GLI3: variants seen among roughly 807,000 people sequenced by gnomAD.
GLI3 encodes GLI family zinc finger 3.
A neutral mutation model predicts 100.8 loss-of-function variants in GLI3; 20 were observed. The observed-to-expected ratio is 0.20, with a 90% confidence interval of 0.14 to 0.29. The LOEUF is 0.29. Ranked by LOEUF, GLI3 falls within the 10% of genes least tolerant of loss-of-function variation. The pLI is 1.00. For missense variants in GLI3, 2,040 were observed against 2,128.5 expected, an observed-to-expected ratio of 0.96 and a Z score of 0.82; for synonymous variants, 938 against 860.5, an observed-to-expected ratio of 1.09 and a Z score of -1.58.
intron 2 of GLI3, among the ~76,000 whole-genome samples, chr7:42,220,112 A>T (rs1230086922): frequency 6.6e-6 from 1 of 152,130 alleles, no homozygotes; most frequent in African/African-American, 2.4e-5. Context: ...TCGGCCTGCC[A>T]AAGTGCTGGG....
At position 42,087,854 on chromosome 7, in the gene GLI3, C is replaced by G. The variant is rs1785135065; in HGVS notation, c.368-10997G>C. On this transcript the variant is annotated intron_variant, in intron 3 of 14. Coordinates refer to ENST00000395925, the MANE Select transcript of GLI3 (RefSeq NM_000168.6). ...TTAAAAGGCTCCACTTTCTTGTGTCCCTTAAACTCTGAACCCTCACTGTCT... is the reference window on the plus strand; with the variant it reads ...TTAAAAGGCTCCACTTTCTTGTGTCGCTTAAACTCTGAACCCTCACTGTCT... 2.0e-5 allele frequency among the ~76,000 whole-genome samples: 3 copies of G among 152,070 alleles called. 1 individual carries two copies. The South Asian group carries it at 6.2e-4, about 32-fold the overall frequency.
intron 7 of GLI3, among the ~76,000 whole-genome samples, chr7:42,033,727 T>C (rs183542348): frequency 2.0e-5 from 3 of 152,338 alleles, no homozygotes; most frequent in Middle Eastern, 3.4e-3. Context: ...CATTTTTTTT[T>C]TCCAGTTTTG....
At chr7:42,064,732 C>T (rs1330623078) in intron 4 of GLI3, among the ~76,000 whole-genome samples, 1 of 152,202 alleles carries the variant, frequency 6.6e-6, no homozygotes, top group Non-Finnish European at 1.5e-5. Context: ...ATTCAGCTCA[C>T]TGGGGGTTCT....
rs1314458132 is a variant in GLI3, at chr7:41,961,217, A to T, written c.*3113T>A. 1.3e-5 allele frequency: 2 copies of T among 152,644 alleles called. No homozygotes were observed. The highest frequency in any genetic ancestry group is 2.9e-5 in the Non-Finnish European group (2 of 68,044). 9.5% of individuals were successfully genotyped at this position (152,644 alleles called of 1,614,324 possible). A position where few individuals can be genotyped will look rare whatever the true frequency, so the allele number is the denominator to read the frequency against. Reference sequence around the variant, plus strand: ...GATTACACATTTTATTTTTTAAAAAAATCTAAAAAAGGTGAAAAAAATGAA... The same window carrying T: ...GATTACACATTTTATTTTTTAAAAATATCTAAAAAAGGTGAAAAAAATGAA... On this transcript the variant is annotated 3_prime_UTR_variant, in exon 15 of 15. Coordinates refer to ENST00000395925, the MANE Select transcript of GLI3 (RefSeq NM_000168.6).
rs1216719318 is a variant in GLI3, at chr7:41,962,784, T to C, written c.*1546A>G. 2.6e-5 allele frequency: 4 copies of C among 152,238 alleles called. No individual in the cohort carries two copies. The highest frequency in any genetic ancestry group is 9.6e-5 in the African/African-American group (4 of 41,466). The allele number at this position is 152,238 out of a possible 1,614,324, so 9.4% of individuals were successfully genotyped here. A position where few individuals can be genotyped will look rare whatever the true frequency, so the allele number is the denominator to read the frequency against. On this transcript the variant is annotated 3_prime_UTR_variant, in exon 15 of 15. Coordinates refer to ENST00000395925, the MANE Select transcript of GLI3 (RefSeq NM_000168.6). Reference sequence around the variant, plus strand: ...GCAAGATTAAAGGGGAAAAGCCACATAATTGAATTATCAATCACTTGCAGT... The same window carrying C: ...GCAAGATTAAAGGGGAAAAGCCACACAATTGAATTATCAATCACTTGCAGT...
Position 42,248,049 on chromosome 7 carries a change from G to A in GLI3, c.-43+15945C>T, listed in dbSNP as rs113523657. Among the ~76,000 whole-genome samples the A allele has an allele frequency of 1.1e-3, 168 of 152,218 alleles. 1 individual carries two copies. The highest frequency in any genetic ancestry group is 3.8e-3 in the African/African-American group (158 of 41,520). ...TATTTGGATCGGTATGTCAATAGAT[G>A]GAACACTCTGGAAAAGGGATTCAAT... On this transcript the variant is annotated intron_variant, in intron 1 of 2. Transcript: ENST00000678978.
Position 42,037,386 on chromosome 7 carries a change from G to A in GLI3, c.1028+2652C>T, listed in dbSNP as rs1583498721. On this transcript the variant is annotated intron_variant, in intron 7 of 14. Transcript: ENST00000395925. ...GTGCTACCACTAACTGATTATTCCT[G>A]AAGTCAGTTTTTAGATCTCAGAAAA... Among the ~76,000 whole-genome samples the A allele has an allele frequency of 2.0e-5, 3 of 152,226 alleles. No homozygotes were observed. In the East Asian group the frequency reaches 5.8e-4, roughly 29 times the overall value.
intron 3 of GLI3, among the ~76,000 whole-genome samples, chr7:42,098,855 A>G (rs1056042548): frequency 1.3e-5 from 2 of 152,192 alleles, no homozygotes; most frequent in South Asian, 2.1e-4. Context: ...TAGGTCGCAA[A>G]TATCACAACC....
upstream of GLI3, among the ~76,000 whole-genome samples, chr7:42,242,719 G>A (rs1365069202): frequency 6.6e-6 from 1 of 152,164 alleles, no homozygotes; most frequent in Non-Finnish European, 1.5e-5. Context: ...ATGGTTTACA[G>A]CATCTTGTAC....
chr7:42,001,138 A>C (rs1261064243), intron 10 of GLI3, among the ~76,000 whole-genome samples: 1 of 148,944 alleles, frequency 6.7e-6, no homozygotes, highest in East Asian at 2.0e-4. Context: ...CCAGCTACGC[A>C]GGAGGCTGAG....
intron 2 of GLI3, among the ~76,000 whole-genome samples, chr7:42,177,511 G>A (rs544262730): frequency 3.3e-5 from 5 of 152,138 alleles, no homozygotes; most frequent in African/African-American, 7.2e-5. Context: ...ATATGGCAGC[G>A]TTGGTTTGTG....
At chr7:42,234,567 T>C (rs996648872) in intron 1 of GLI3, among the ~76,000 whole-genome samples, 5 of 152,206 alleles carry the variant, frequency 3.3e-5, no homozygotes, top group African/African-American at 1.2e-4. Flanking sequence ...AAATTAGATA[T>C]ACAATAGAAA....
chr7:41,992,594 A>C (rs1213554204), intron 10 of GLI3, among the ~76,000 whole-genome samples: 1 of 152,168 alleles, frequency 6.6e-6, no homozygotes, highest in African/African-American at 2.4e-5. Context: ...ACCCCTGACC[A>C]ATGGAGACTG....
intron 7 of GLI3, among the ~76,000 whole-genome samples, chr7:42,027,046 T>A (rs1789139003): frequency 6.6e-6 from 1 of 152,232 alleles, no homozygotes; most frequent in Non-Finnish European, 1.5e-5. Flanking sequence ...AATATTCCAG[T>A]GGGAGAGCAC....
intron 2 of GLI3, among the ~76,000 whole-genome samples, chr7:42,192,502 T>C (rs888300303): frequency 6.6e-6 from 1 of 152,182 alleles, no homozygotes; most frequent in Non-Finnish European, 1.5e-5. Flanking sequence ...AGCTCATGTA[T>C]TAAAGTGATG....
intron 2 of GLI3, among the ~76,000 whole-genome samples, chr7:42,181,592 G>A (rs974907639): frequency 2.0e-5 from 3 of 152,086 alleles, no homozygotes; most frequent in East Asian, 1.9e-4. Flanking sequence ...GTGCCAAAGC[G>A]AGACCCCATC....
intron 3 of GLI3, among the ~76,000 whole-genome samples, chr7:42,080,886 C>T (rs542185181): frequency 6.6e-6 from 1 of 152,248 alleles, no homozygotes; most frequent in African/African-American, 2.4e-5. Context: ...TCGCCAGAGC[C>T]GCCATAATTA....
At chr7:42,098,899 G>A (rs1785398090) in intron 3 of GLI3, among the ~76,000 whole-genome samples, 1 of 152,104 alleles carries the variant, frequency 6.6e-6, no homozygotes. Flanking sequence ...GTGTTTTGAG[G>A]CTGAAATACA....
At position 42,168,683 on chromosome 7, in the gene GLI3, A is replaced by G. The variant is rs117458687; in HGVS notation, c.125-20215T>C. ...GCAATCTCTGCACCTTGGGAAGCTAAGGTGGGAGGATCACTTGAGGCCAGG... is the reference window on the plus strand; with the variant it reads ...GCAATCTCTGCACCTTGGGAAGCTAGGGTGGGAGGATCACTTGAGGCCAGG... On this transcript the variant is annotated intron_variant, in intron 2 of 14. Transcript: ENST00000395925. 2.0e-3 allele frequency among the ~76,000 whole-genome samples: 306 copies of G among 152,276 alleles called. 5 individuals carry two copies. The East Asian group carries it at 0.03, about 15-fold the overall frequency.
Sources: gnomAD v4.1 joint callset for allele counts (sites outside exome capture counted in the v4.1 genomes callset) on GRCh38, gnomAD v4.1.1 for gene constraint, MANE v1.5 for transcripts, NCBI Gene and HGNC (gene_info 2026-07-23, HGNC 2026-07-21) for gene names.